Variants in MYO18B observed in about 807,000 individuals in gnomAD.
The protein encoded by MYO18B is myosin XVIIIB.
Under a neutral mutation model 273.0 loss-of-function variants are expected in MYO18B, and 204 were observed. The ratio of observed to expected loss-of-function variants is 0.75; its 90% confidence interval spans 0.67 to 0.84. MYO18B has a LOEUF of 0.84. MYO18B is among the 40% of genes least tolerant of loss of function. The pLI is 0.00. For missense variants in MYO18B, 3,212 were observed against 3,287.6 expected (o/e 0.98, Z 0.56); for synonymous variants, 1,330 against 1,305.7 (o/e 1.02, Z -0.40).
In MYO18B at chr22:25,967,182, G is replaced by A. The variant is rs550752995; in HGVS notation, c.6156+11818G>A. Among the ~76,000 whole-genome samples, 3 of 152,288 alleles carry A rather than the reference G, an allele frequency of 2.0e-5. No individual in the cohort carries two copies. The South Asian group carries it at 6.2e-4, about 32-fold the overall frequency. Reference sequence around the variant, plus strand: ...CACTTCAGACTTGCTGGAAATTAGAGTAACTTAACTCTGCAAAGTTAATTA... The same window carrying A: ...CACTTCAGACTTGCTGGAAATTAGAATAACTTAACTCTGCAAAGTTAATTA... On this transcript the variant is annotated intron_variant, in intron 39 of 43. Transcript: ENST00000335473.
Position 25,898,292 on chromosome 22 carries a change from C to G in MYO18B, c.4669-15C>G. Reference sequence around the variant, plus strand: ...TGCCCACAGAGCCGGGTAATTCATTCTATTACTCTTACAGCTTGGGGAGTT... The same window carrying G: ...TGCCCACAGAGCCGGGTAATTCATTGTATTACTCTTACAGCTTGGGGAGTT... On this transcript the variant is annotated splice_polypyrimidine_tract_variant and intron_variant, in intron 28 of 43. Coordinates refer to ENST00000335473, the MANE Select transcript of MYO18B (RefSeq NM_032608.7). 2 of 1,610,092 alleles carry G rather than the reference C, an allele frequency of 1.2e-6. No homozygotes were observed. The highest frequency in any genetic ancestry group is 8.5e-7 in the Non-Finnish European group (1 of 1,178,558).
intron 39 of MYO18B, among the ~76,000 whole-genome samples, chr22:25,969,249 G>A (rs1327014740): frequency 6.6e-6 from 1 of 152,204 alleles, no homozygotes; most frequent in Non-Finnish European, 1.5e-5. Flanking sequence ...TCACCTGGGA[G>A]TTAGCAAGGA....
chr22:25,899,339 A>G (rs1158117707), intron 29 of MYO18B: 1 of 152,218 alleles, frequency 6.6e-6, no homozygotes, highest in East Asian at 1.9e-4. Context: ...TGAGCCAGCC[A>G]AGTCCTAATG....
intron 22 of MYO18B, among the ~76,000 whole-genome samples, chr22:25,869,968 G>A (rs1392453153): frequency 2.6e-5 from 4 of 152,178 alleles, no homozygotes; most frequent in African/African-American, 9.7e-5. Flanking sequence ...GGACTCCCAC[G>A]CACTATGTGA....
rs133900 is a variant in MYO18B, at chr22:25,767,856, GT to G, written c.199-258del. ...TTAGCTAAGGTCACACAGCTATAGA[GT>G]GTCAGAGTCAGGAGTTGAACTTGGT... On this transcript the variant is annotated intron_variant, in intron 3 of 43. Coordinates refer to ENST00000335473, the MANE Select transcript of MYO18B (RefSeq NM_032608.7). 0.21 allele frequency among the ~76,000 whole-genome samples: 32,588 copies of G among 152,100 alleles called. 3,608 individuals carry two copies. Among genetic ancestry groups the G allele is most frequent in the African/African-American group, 0.26 (10,829 of 41,452 alleles).
chr22:25,820,821 G>T (rs556928722), intron 12 of MYO18B, among the ~76,000 whole-genome samples: 5 of 151,674 alleles, frequency 3.3e-5, no homozygotes, highest in Admixed American at 6.6e-5. Flanking sequence ...CTCCCTATCC[G>T]CCCACTTACC....
chr22:25,847,430 G>C lies in MYO18B; in HGVS notation c.3553G>C (p.Asp1185His). The C allele has an allele frequency of 6.4e-7, 1 of 1,563,804 alleles. No individual in the cohort carries two copies. The change falls in exon 20 of 44, where the codon GAT (aspartate) becomes CAT (histidine). Residue 1185 changes from aspartate (D) to histidine (H), a missense_variant and splice_region_variant. By Grantham distance (81) the Asp-to-His change is moderately conservative (BLOSUM62 -1). Coordinates refer to ENST00000335473, the MANE Select transcript of MYO18B (RefSeq NM_032608.7). ...CCTGACCTCCCTCTATTTGGTCTAG[G>C]ATGCGCTGACCAGCATGATCAAAAG... The part of the protein sequence containing the change: ...APCSQIKLQM[D>H]ALTSMIKRSR...
chr22:25,794,834 A>G (rs146817747), intron 11 of MYO18B, among the ~76,000 whole-genome samples: 154 of 152,290 alleles, frequency 1.0e-3, no homozygotes, highest in African/African-American at 3.4e-3. Context: ...CACATCAGCA[A>G]CTATCTGCCA....
intron 1 of MYO18B, among the ~76,000 whole-genome samples, chr22:25,754,777 G>T (rs1259327780): frequency 6.6e-6 from 1 of 152,196 alleles, no homozygotes; most frequent in Non-Finnish European, 1.5e-5. Context: ...TGGAGCTGGC[G>T]CAGGACCTCT....
At chr22:25,997,978 C>CACATGAGAGAGA (rs34431605) in intron 40 of MYO18B, among the ~76,000 whole-genome samples, 8 of 144,640 alleles carry the variant, frequency 5.5e-5, no homozygotes, top group Non-Finnish European at 9.0e-5. Flanking sequence ...CACACACACA[C>CACATGAGAGAGA]GAGAGAGAGA....
intron 1 of MYO18B, among the ~76,000 whole-genome samples, chr22:25,749,341 T>C (rs2085871595): frequency 6.6e-6 from 1 of 152,142 alleles, no homozygotes; most frequent in Non-Finnish European, 1.5e-5. Context: ...CTTGGGGCTG[T>C]ATGGGACAAG....
intron 1 of MYO18B, among the ~76,000 whole-genome samples, chr22:25,760,427 A>C (rs1448360744): frequency 1.3e-5 from 2 of 149,926 alleles, no homozygotes; most frequent in South Asian, 2.1e-4. Flanking sequence ...AAAAAAAAAA[A>C]AAAAAAACAC....
At chr22:25,770,827 C>T (rs956364116) in intron 5 of MYO18B, 45 bp from the exon 6 acceptor site, 46 of 1,405,172 alleles carry the variant, frequency 3.3e-5, no homozygotes, top group Non-Finnish European at 2.3e-5. Context: ...TCTTCCCCTC[C>T]CATCTCCTCC....
In MYO18B at chr22:26,023,500, TC is replaced by T. The variant is rs1412597185; in HGVS notation, c.6471-2943del. On this transcript the variant is annotated intron_variant, in intron 42 of 43. Coordinates refer to ENST00000335473, the MANE Select transcript of MYO18B (RefSeq NM_032608.7). ...TCCCTCCTCCTCCTCCTCCTCTACCTCCTCCCTCCTCCTCCCTCCTCCTCTT... is the reference window on the plus strand; with the variant it reads ...TCCCTCCTCCTCCTCCTCCTCTACCTCTCCCTCCTCCTCCCTCCTCCTCTT... 3.6e-3 allele frequency among the ~76,000 whole-genome samples: 543 copies of T among 150,820 alleles called. 5 individuals carry two copies. The highest frequency in any genetic ancestry group is 0.013 in the African/African-American group (522 of 41,056).
At chr22:25,929,484 C>G (rs778203612) in intron 34 of MYO18B, among the ~76,000 whole-genome samples, 2 of 152,340 alleles carry the variant, frequency 1.3e-5, no homozygotes, top group African/African-American at 2.4e-5. Context: ...GCAGCAGATG[C>G]TAACACCTGG....
chr22:25,896,914 C>T (rs1309172892), intron 28 of MYO18B: 1 of 152,164 alleles, frequency 6.6e-6, no homozygotes, highest in Non-Finnish European at 1.5e-5. Flanking sequence ...AAGTCGGTAC[C>T]AGCTGACTCT....
chr22:25,905,613 T>G (rs919550530), intron 31 of MYO18B, among the ~76,000 whole-genome samples: 3 of 152,186 alleles, frequency 2.0e-5, no homozygotes, highest in African/African-American at 7.2e-5. Context: ...GGGACCAGCC[T>G]GTGCAAAAGC....
At chr22:25,794,286 A>C (rs1212813995) in intron 11 of MYO18B, among the ~76,000 whole-genome samples, 1 of 151,326 alleles carries the variant, frequency 6.6e-6, no homozygotes, top group Non-Finnish European at 1.5e-5. Context: ...GGTTCACTGC[A>C]ACCTTGATTT....
intron 21 of MYO18B, among the ~76,000 whole-genome samples, chr22:25,860,024 C>T (rs368295289): frequency 1.3e-5 from 2 of 152,228 alleles, no homozygotes; most frequent in South Asian, 2.1e-4. Context: ...GTGTAACATA[C>T]ATGCCTATAT....
Sources: allele counts gnomAD v4.1 joint callset (sites outside exome capture counted in the v4.1 genomes callset), GRCh38; gene constraint gnomAD v4.1.1; transcripts MANE v1.5; gene names NCBI Gene and HGNC (gene_info 2026-07-23, HGNC 2026-07-21).